MESD: variants seen among roughly 807,000 people sequenced by gnomAD.
MESD encodes the protein mesoderm development LRP chaperone.
MESD carries 7 observed loss-of-function variants against 12.9 expected under a neutral mutation model. That is an observed-to-expected ratio of 0.54 (90% CI 0.31 to 1.02). MESD has a LOEUF of 1.02. Ranked by LOEUF, MESD falls within the 50% of genes least tolerant of loss-of-function variation. MESD has a pLI of 0.05. For synonymous variants in MESD, 126 were observed against 115.6 expected (o/e 1.09, Z -0.58); for missense variants, 342 against 296.7 (o/e 1.15, Z -1.12).
At chr15:80,963,592 C>A (rs955093267) in intron 3 of MESD, among the ~76,000 whole-genome samples, 1 of 152,198 alleles carries the variant, frequency 6.6e-6, no homozygotes, top group African/African-American at 2.4e-5. Context: ...AAAATACTGG[C>A]AAACCGAATC....
rs1214029415 is a variant in MESD at position 80,969,817 on chromosome 15, T to G, written c.*288+9114A>C. 8.5e-5 allele frequency among the ~76,000 whole-genome samples: 13 copies of G among 152,290 alleles called. No individual in the cohort carries two copies. The East Asian group carries it at 2.1e-3, about 25-fold the overall frequency. ...TTGCAGTGAGCCGAGATGGCGCCAC[T>G]GCACTCCAGTCTGGGCGACAGAGCA... On this transcript the variant is annotated intron_variant, in intron 3 of 4. Transcript: ENST00000561312.
chr15:80,970,093 TCA>T (rs1220445099), intron 3 of MESD, among the ~76,000 whole-genome samples: 1 of 152,184 alleles, frequency 6.6e-6, no homozygotes, highest in Non-Finnish European at 1.5e-5. Flanking sequence ...ATGCAGATTT[TCA>T]CAGATATTTT....
chr15:80,951,532 A>T (rs1901828786), intron 4 of MESD: 1 of 152,648 alleles, frequency 6.6e-6, no homozygotes, highest in East Asian at 1.9e-4. Context: ...AGTTAGATGT[A>T]TAGAGTGTTT....
intron 3 of MESD, among the ~76,000 whole-genome samples, chr15:80,952,617 CGTGTGT>C (rs113669846): frequency 5.4e-5 from 8 of 149,210 alleles, no homozygotes; most frequent in African/African-American, 9.8e-5. Context: ...AACTATGTCT[CGTGTGT>C]GTGTGTGTGT....
intron 3 of MESD, among the ~76,000 whole-genome samples, chr15:80,958,583 T>C (rs1013731770): frequency 6.6e-6 from 1 of 152,212 alleles, no homozygotes; most frequent in African/African-American, 2.4e-5. Context: ...TCTGCCTGCC[T>C]TGGCCTTCCA....
At chr15:80,983,894 CTT>C (rs10570822) in intron 1 of MESD, among the ~76,000 whole-genome samples, 1,077 of 88,344 alleles carry the variant, frequency 0.012, 3 homozygotes, top group African/African-American at 0.024. Context: ...AAAACAGTAA[CTT>C]TTTTTTTTTT....
downstream of MESD, among the ~76,000 whole-genome samples, chr15:80,971,078 G>A (rs952447203): frequency 2.0e-5 from 3 of 152,194 alleles, no homozygotes; most frequent in African/African-American, 7.2e-5. Flanking sequence ...GAAAGTCAAT[G>A]CTTCAAGGGC....
intron 1 of MESD, among the ~76,000 whole-genome samples, chr15:80,989,129 T>C (rs1893225656): frequency 1.3e-5 from 2 of 152,078 alleles, no homozygotes; most frequent in South Asian, 4.1e-4. Flanking sequence ...AGATAACCAT[T>C]AAGGAAGACC....
At chr15:80,968,977 C>T (rs978876895) in intron 3 of MESD, among the ~76,000 whole-genome samples, 2 of 152,056 alleles carry the variant, frequency 1.3e-5, no homozygotes, top group Non-Finnish European at 2.9e-5. Flanking sequence ...TTGCTTGAAC[C>T]CAGGAGTTCA....
At chr15:80,986,798 G>A (rs1225837303) in intron 1 of MESD, among the ~76,000 whole-genome samples, 2 of 152,200 alleles carry the variant, frequency 1.3e-5, no homozygotes, top group Admixed American at 6.5e-5. Context: ...TAAGTCAGTA[G>A]CTACAAAGCT....
At chr15:80,962,529 A>C (rs996593353) in intron 3 of MESD, among the ~76,000 whole-genome samples, 31 of 152,316 alleles carry the variant, frequency 2.0e-4, no homozygotes, top group Middle Eastern at 3.4e-3. Context: ...AATCAACAGA[A>C]TATACACTTT....
chr15:80,968,788 A>G (rs1902226491), intron 3 of MESD, among the ~76,000 whole-genome samples: 1 of 152,252 alleles, frequency 6.6e-6, no homozygotes, highest in Non-Finnish European at 1.5e-5. Context: ...TAACTTGTCC[A>G]ACATGATACA....
intron 3 of MESD, among the ~76,000 whole-genome samples, chr15:80,957,730 G>T (rs908935714): frequency 4.6e-5 from 7 of 152,162 alleles, no homozygotes; most frequent in Admixed American, 2.6e-4. Context: ...AGACTGGCAG[G>T]CTCTGAAACC....
chr15:80,961,238 TTA>T (rs976073490), intron 3 of MESD, among the ~76,000 whole-genome samples: 6 of 151,602 alleles, frequency 4.0e-5, no homozygotes, highest in African/African-American at 1.5e-4. Flanking sequence ...TGCTGATATT[TTA>T]TATGAGAGGC....
At chr15:80,959,225 G>C (rs926781991) in intron 3 of MESD, among the ~76,000 whole-genome samples, 1 of 152,236 alleles carries the variant, frequency 6.6e-6, no homozygotes, top group Non-Finnish European at 1.5e-5. Flanking sequence ...TGCCATGTGA[G>C]AGGGTAGAGG....
chr15:80,975,242 A>T, downstream of MESD, among the ~76,000 whole-genome samples: 1 of 150,778 alleles, frequency 6.6e-6, no homozygotes. Context: ...AAACCTAGCC[A>T]GGCATAGTGG....
intron 3 of MESD, among the ~76,000 whole-genome samples, chr15:80,962,582 T>C (rs879494876): frequency 2.6e-5 from 4 of 152,154 alleles, no homozygotes; most frequent in Non-Finnish European, 5.9e-5. Flanking sequence ...GACCACCTAA[T>C]TGGAAGTAAA....
intron 3 of MESD, among the ~76,000 whole-genome samples, chr15:80,955,694 C>A (rs1331441861): frequency 6.6e-6 from 1 of 151,124 alleles, no homozygotes; most frequent in Non-Finnish European, 1.5e-5. Context: ...AATCTCGGCT[C>A]CCTGCAACCT....
At chr15:80,961,020 G>A (rs1169464228) in intron 3 of MESD, among the ~76,000 whole-genome samples, 3 of 152,170 alleles carry the variant, frequency 2.0e-5, no homozygotes, top group Non-Finnish European at 4.4e-5. Context: ...GAAGATGAGA[G>A]CTTTGGTCAG....
Sources: gnomAD v4.1 joint callset for allele counts (sites outside exome capture counted in the v4.1 genomes callset) on GRCh38, gnomAD v4.1.1 for gene constraint, MANE v1.5 for transcripts, NCBI Gene and HGNC (gene_info 2026-07-23, HGNC 2026-07-21) for gene names.